The following PRPSAP2 variants were observed in gnomAD, a reference collection of about 807,000 sequenced individuals.
PRPSAP2 encodes phosphoribosyl pyrophosphate synthetase associated protein 2, also known as phosphoribosyl pyrophosphate synthase-associated protein 2.
A neutral mutation model predicts 40.6 loss-of-function variants in PRPSAP2; 24 were observed. The ratio of observed to expected loss-of-function variants is 0.59; its 90% CI spans 0.43 to 0.83. The LOEUF (loss-of-function observed/expected upper bound fraction) is 0.83, where lower values mean the gene tolerates loss of function less well. Among genes scored for constraint, PRPSAP2 ranks in the 40% least tolerant of loss-of-function variants. PRPSAP2 has a pLI of 0.00. For synonymous variants in PRPSAP2, 149 were observed against 164.7 expected (o/e 0.90, Z 0.73); for missense variants, 292 against 465.6 (o/e 0.63, Z 3.43).
At chr17:18,871,324 G>T (rs2037850468) in intron 4 of PRPSAP2, among the ~76,000 whole-genome samples, 1 of 152,098 alleles carries the variant, frequency 6.6e-6, no homozygotes, top group Admixed American at 6.6e-5. Flanking sequence ...CCAGCCTAAA[G>T]GGTCTTTTAT....
At chr17:18,887,170 G>T (rs1348276056) in intron 7 of PRPSAP2, among the ~76,000 whole-genome samples, 1 of 151,414 alleles carries the variant, frequency 6.6e-6, no homozygotes, top group South Asian at 2.1e-4. Context: ...CCCAAACTCA[G>T]GTTATCCACC....
chr17:18,921,880 C>T (rs1272252217), intron 9 of PRPSAP2, among the ~76,000 whole-genome samples: 2 of 152,166 alleles, frequency 1.3e-5, no homozygotes, highest in Non-Finnish European at 2.9e-5. Flanking sequence ...AATTTACTGG[C>T]TTTCAGTATA....
At chr17:18,902,254 G>A (rs1042357644) in intron 8 of PRPSAP2, among the ~76,000 whole-genome samples, 2 of 152,234 alleles carry the variant, frequency 1.3e-5, no homozygotes, top group African/African-American at 2.4e-5. Context: ...AGTTTCTTTG[G>A]CTTTTGTCAG....
At chr17:18,883,403 CTTTT>C (rs3043912) in intron 7 of PRPSAP2, among the ~76,000 whole-genome samples, 1 of 134,248 alleles carries the variant, frequency 7.4e-6, no homozygotes, top group Admixed American at 7.8e-5. Context: ...GTTTTTCTTT[CTTTT>C]TTTTTTTTTT....
In PRPSAP2 at chr17:18,911,327, T is replaced by C. The variant is rs1482883006; in HGVS notation, c.733+76T>C. 2 of 1,343,862 alleles carry C rather than the reference T, an allele frequency of 1.5e-6. No individual in the cohort carries two copies. Among genetic ancestry groups the C allele is most frequent in the Non-Finnish European group, 9.6e-7 (1 of 1,041,374 alleles). The allele number at this position is 1,343,862 out of a possible 1,614,324, so 83.2% of individuals were successfully genotyped here. A position where few individuals can be genotyped will look rare whatever the true frequency, so the allele number is the denominator to read the frequency against. ...TACACTGTTGTCTGTGTGGTTTTTT[T>C]CCTCATTCTTCGTTTTTTTTTAGTT... On this transcript the variant is annotated intron_variant, in intron 9 of 11. Transcript: ENST00000268835. This position sits in a 1 kb window ranked among gnomAD's most constrained non-coding sequence, Gnocchi z 4.5.
chr17:18,877,645 G>C, intron 5 of PRPSAP2, 53 bp from the exon 6 acceptor site: 1 of 1,518,432 alleles, frequency 6.6e-7, no homozygotes, highest in Non-Finnish European at 8.9e-7. Flanking sequence ...TTTTGGAACA[G>C]GGAATACTGT....
chr17:18,860,120 C>T (rs1015285533), intron 1 of PRPSAP2, among the ~76,000 whole-genome samples: 14 of 151,886 alleles, frequency 9.2e-5, no homozygotes, highest in African/African-American at 2.7e-4. Context: ...AGTGTAGTGG[C>T]GCGATCTCAG....
At chr17:18,927,242 T>A (rs1291647113) in intron 10 of PRPSAP2, among the ~76,000 whole-genome samples, 2 of 152,124 alleles carry the variant, frequency 1.3e-5, no homozygotes, top group Non-Finnish European at 2.9e-5. Flanking sequence ...CTAAACACTT[T>A]CCCAAAGACC....
rs375670818 is a variant in PRPSAP2 at position 18,877,683 on chromosome 17, G to T, written c.240-15G>T. ...TGTAGATCCCTTGATGAGATTTGCT[G>T]TGTCTTTGTTACAGGGACGTGAACA... On this transcript the variant is annotated splice_polypyrimidine_tract_variant and intron_variant, in intron 5 of 11. Transcript: ENST00000268835. 1.3e-5 allele frequency: 20 copies of T among 1,594,982 alleles called. No homozygotes were observed. Among genetic ancestry groups the T allele is most frequent in the Non-Finnish European group, 1.5e-5 (17 of 1,172,372 alleles).
At chr17:18,867,247 A>T (rs2037499301) in intron 3 of PRPSAP2, 35 bp from the exon 4 acceptor site, 2 of 1,604,158 alleles carry the variant, frequency 1.2e-6, no homozygotes, top group Non-Finnish European at 1.7e-6. Flanking sequence ...TTCTTCTATT[A>T]CTTTTTCAGC....
intron 8 of PRPSAP2, among the ~76,000 whole-genome samples, chr17:18,891,640 G>A (rs924443990): frequency 6.6e-6 from 1 of 152,188 alleles, no homozygotes; most frequent in African/African-American, 2.4e-5. Context: ...GGCATTTAGT[G>A]CATTCACAAT....
chr17:18,870,808 CA>C (rs59205286), intron 4 of PRPSAP2, among the ~76,000 whole-genome samples: 78 of 125,618 alleles, frequency 6.2e-4, no homozygotes, highest in South Asian at 1.1e-3. Context: ...GACCTTGTCT[CA>C]AAAAAAAAAA....
intron 1 of PRPSAP2, among the ~76,000 whole-genome samples, chr17:18,859,034 T>C (rs190031635): frequency 6.6e-6 from 1 of 152,306 alleles, no homozygotes; most frequent in East Asian, 1.9e-4. Context: ...CATTCATAGA[T>C]ACTTTTGCGT....
chr17:18,862,149 A>G (rs1029939607), intron 1 of PRPSAP2, among the ~76,000 whole-genome samples: 4 of 152,198 alleles, frequency 2.6e-5, no homozygotes, highest in Non-Finnish European at 5.9e-5. Flanking sequence ...CGCTCTCCCA[A>G]TTTGCTGGGA....
intron 4 of PRPSAP2, among the ~76,000 whole-genome samples, chr17:18,868,484 A>G (rs1022756441): frequency 8.7e-5 from 12 of 138,326 alleles, no homozygotes; most frequent in South Asian, 2.4e-4. Flanking sequence ...GTCTCAGGGG[A>G]AAAAAAAAAA....
chr17:18,891,210 G>A (rs530494259), intron 8 of PRPSAP2, among the ~76,000 whole-genome samples: 3 of 152,136 alleles, frequency 2.0e-5, no homozygotes, highest in Non-Finnish European at 4.4e-5. Context: ...AAGGATGGAG[G>A]AGAACTTGCA....
At chr17:18,901,410 C>T (rs1234624028) in intron 8 of PRPSAP2, among the ~76,000 whole-genome samples, 2 of 152,050 alleles carry the variant, frequency 1.3e-5, no homozygotes, top group African/African-American at 2.4e-5. Context: ...GACGGAATCT[C>T]GCTCTGTCAC....
intron 8 of PRPSAP2, among the ~76,000 whole-genome samples, chr17:18,901,504 C>T (rs1039286905): frequency 6.6e-6 from 1 of 151,940 alleles, no homozygotes; most frequent in African/African-American, 2.4e-5. Context: ...CTCAGCCTCC[C>T]GAGTAGCTGG....
At chr17:18,890,035 TTA>T (rs2039440688) in intron 8 of PRPSAP2, among the ~76,000 whole-genome samples, 158 bp downstream of exon 8, 1 of 152,160 alleles carries the variant, frequency 6.6e-6, no homozygotes, top group African/African-American at 2.4e-5. Context: ...TCAACTCCAT[TTA>T]TTAAGTAAAC....
Sources: allele counts gnomAD v4.1 joint callset (sites outside exome capture counted in the v4.1 genomes callset), GRCh38; gene constraint gnomAD v4.1.1; non-coding constraint Gnocchi (gnomAD v3.1); transcripts MANE v1.5; gene names NCBI Gene and HGNC (gene_info 2026-07-23, HGNC 2026-07-21).